Variants in MRPL22 observed in about 807,000 individuals in gnomAD.
MRPL22 encodes the protein mitochondrial ribosomal protein L22, also known as large ribosomal subunit protein uL22m.
A neutral mutation model predicts 32.4 loss-of-function variants in MRPL22; 27 were observed. That is an observed-to-expected ratio of 0.83 (90% CI 0.61 to 1.15). The LOEUF is 1.15. Among genes scored for constraint, MRPL22 ranks in the 50% most tolerant of loss-of-function variants. The pLI, the probability that MRPL22 is intolerant of heterozygous loss-of-function variation, is 0.00. For synonymous variants in MRPL22, 86 were observed against 87.3 expected (o/e 0.99, Z 0.08); for missense variants, 239 against 260.2 (o/e 0.92, Z 0.56).
intron 2 of MRPL22, among the ~76,000 whole-genome samples, chr5:154,948,096 T>C (rs1193377888): frequency 1.3e-5 from 2 of 152,162 alleles, no homozygotes; most frequent in African/African-American, 4.8e-5. Flanking sequence ...TGTTAACTTT[T>C]TATTTGGATA....
At chr5:154,956,460 T>C in intron 4 of MRPL22, 24 bp downstream of exon 4, 1 of 1,493,176 alleles carries the variant, frequency 6.7e-7, no homozygotes. Flanking sequence ...ACTATTACCA[T>C]ATAATTAATA....
chr5:154,956,695 G>A, intron 4 of MRPL22: 1 of 404,828 alleles, frequency 2.5e-6, no homozygotes, highest in Non-Finnish European at 4.3e-6. Flanking sequence ...AGAGAATCCA[G>A]GAAACCCACC....
intron 2 of MRPL22, among the ~76,000 whole-genome samples, chr5:154,943,484 G>A (rs1209119199): frequency 1.3e-5 from 2 of 152,096 alleles, no homozygotes; most frequent in Admixed American, 1.3e-4. Context: ...GCCTGTGGTG[G>A]TCAGTAGAGT....
chr5:154,947,280 T>A (rs762362615), intron 2 of MRPL22, among the ~76,000 whole-genome samples: 1 of 152,202 alleles, frequency 6.6e-6, no homozygotes, highest in Admixed American at 6.5e-5. Flanking sequence ...CAAGGTCTGC[T>A]CGACTCTGTA....
chr5:154,961,107 C>T (rs551489481), intron 6 of MRPL22, among the ~76,000 whole-genome samples: 4 of 152,262 alleles, frequency 2.6e-5, no homozygotes, highest in African/African-American at 9.6e-5. Flanking sequence ...GTTAAAATCT[C>T]AGTTCAACTC....
At chr5:154,960,778 A>G (rs1764690996) in intron 6 of MRPL22, among the ~76,000 whole-genome samples, 1 of 152,196 alleles carries the variant, frequency 6.6e-6, no homozygotes, top group African/African-American at 2.4e-5. Context: ...TCCCAACACC[A>G]TGGGAAAGTG....
chr5:154,947,058 G>T (rs993213290), intron 2 of MRPL22, among the ~76,000 whole-genome samples: 3 of 152,160 alleles, frequency 2.0e-5, no homozygotes, highest in South Asian at 4.1e-4. Context: ...TATTAAGTAA[G>T]TATTATTTTC....
chr5:154,965,498 C>T (rs143252704), intron 6 of MRPL22, among the ~76,000 whole-genome samples: 2 of 150,166 alleles, frequency 1.3e-5, no homozygotes, highest in Admixed American at 6.7e-5. Flanking sequence ...GATCTTGGCT[C>T]GCTGCAACCT....
At position 154,967,069 on chromosome 5, in the gene MRPL22, G is replaced by C; in HGVS notation, c.*172G>C. The C allele has an allele frequency of 1.3e-6, 1 of 768,544 alleles. No homozygotes were observed. Among genetic ancestry groups the C allele is most frequent in the South Asian group, 2.0e-5 (1 of 50,744 alleles). The allele number at this position is 768,544 out of a possible 1,614,324, so 47.6% of individuals were successfully genotyped here. A position where few individuals can be genotyped will look rare whatever the true frequency, so the allele number is the denominator to read the frequency against. The stretch of plus-strand genomic sequence containing the variant: ...CTTTGCCCATTTCTTTTGAGCCTCT[G>C]GGCATATTTGTATGCATTTGCGACT... On this transcript the variant is annotated 3_prime_UTR_variant, in exon 7 of 7. Coordinates refer to ENST00000523037, the MANE Select transcript of MRPL22 (RefSeq NM_014180.4). This position sits in a 1 kb window ranked among gnomAD's most constrained non-coding sequence, Gnocchi z 4.7.
intron 2 of MRPL22, among the ~76,000 whole-genome samples, chr5:154,942,326 T>C (rs1764428677): frequency 1.3e-5 from 2 of 152,216 alleles, no homozygotes; most frequent in Admixed American, 1.3e-4. Flanking sequence ...ATAATCCCAC[T>C]CTGAATTCTA....
chr5:154,947,027 A>ATATT (rs60538618), intron 2 of MRPL22, among the ~76,000 whole-genome samples: 147,452 of 152,228 alleles, frequency 0.97, 71,444 homozygotes, highest in African/African-American at 0.99. Context: ...AGGATGCACT[A>ATATT]AATTATTAAT....
At chr5:154,951,844 C>CT (rs1764566868) in intron 3 of MRPL22, among the ~76,000 whole-genome samples, 1 of 150,402 alleles carries the variant, frequency 6.6e-6, no homozygotes, top group African/African-American at 2.4e-5. Flanking sequence ...AACTAATGAA[C>CT]TTTTTTTGCT....
intron 3 of MRPL22, among the ~76,000 whole-genome samples, chr5:154,953,557 C>T (rs1764593419): frequency 6.6e-6 from 1 of 151,676 alleles, no homozygotes; most frequent in Non-Finnish European, 1.5e-5. Context: ...CTTATTTTTC[C>T]TCTTTTTCTT....
At chr5:154,942,718 G>A (rs1448615262) in intron 2 of MRPL22, among the ~76,000 whole-genome samples, 1 of 152,160 alleles carries the variant, frequency 6.6e-6, no homozygotes, top group Non-Finnish European at 1.5e-5. Context: ...TTTAGCATGT[G>A]TGCCTTCTAT....
intron 2 of MRPL22, among the ~76,000 whole-genome samples, chr5:154,945,710 A>G (rs1764480355): frequency 6.6e-6 from 1 of 152,224 alleles, no homozygotes; most frequent in South Asian, 2.1e-4. Flanking sequence ...GAAAACCCCA[A>G]GTGTCCTGGA....
At chr5:154,948,138 A>T (rs1209735666) in intron 2 of MRPL22, among the ~76,000 whole-genome samples, 1 of 152,178 alleles carries the variant, frequency 6.6e-6, no homozygotes, top group Non-Finnish European at 1.5e-5. Flanking sequence ...AGACAGTTTG[A>T]TGAACCTCCA....
chr5:154,962,847 G>C lies in MRPL22; in HGVS notation c.409+2798G>C, dbSNP rs1484409747. Among the ~76,000 whole-genome samples the C allele has an allele frequency of 2.0e-5, 3 of 152,106 alleles. No individual in the cohort carries two copies. In the East Asian group the frequency reaches 5.8e-4, roughly 29 times the overall value. On this transcript the variant is annotated intron_variant, in intron 6 of 6. Transcript: ENST00000523037. ...TTATTGGCTGAGAGTGATGAAGGTG[G>C]GAGCGGAGGGCTTCTAATGTTACAA... is the stretch of plus-strand genomic sequence containing the variant.
intron 2 of MRPL22, among the ~76,000 whole-genome samples, chr5:154,945,330 C>T (rs577323709): frequency 1.3e-5 from 2 of 152,216 alleles, no homozygotes; most frequent in East Asian, 3.9e-4. Context: ...ATGACCTGAG[C>T]AACTGGAAGG....
At position 154,966,829 on chromosome 5, in the gene MRPL22, A is replaced by G. The variant is rs1764774282; in HGVS notation, c.553A>G (p.Thr185Ala). 1.2e-6 allele frequency: 2 copies of G among 1,614,102 alleles called. No homozygotes were observed. Among genetic ancestry groups the G allele is most frequent in the African/African-American group, 2.7e-5 (2 of 74,942 alleles). Residue 185 changes from threonine to alanine, a missense_variant, in exon 7 of 7, where the codon ACG becomes GCG. Physicochemically the swap from Thr to Ala is moderately conservative, Grantham distance 58. Transcript: ENST00000523037. The part of the protein sequence containing the change: ...GPPPPPEPPK[T>A]AVAHAKEYIQ... ...CCCACCTCCACCTGAGCCACCAAAG[A>G]CGGCAGTTGCCCATGCCAAAGAGTA...
Sources: allele counts gnomAD v4.1 joint callset (sites outside exome capture counted in the v4.1 genomes callset), GRCh38; gene constraint gnomAD v4.1.1; non-coding constraint Gnocchi (gnomAD v3.1); transcripts MANE v1.5; gene names NCBI Gene and HGNC (gene_info 2026-07-23, HGNC 2026-07-21).